Variants in SNX19 observed in about 807,000 individuals in gnomAD.
The protein encoded by SNX19 is sorting nexin 19.
A neutral mutation model predicts 85.2 loss-of-function variants in SNX19; 60 were observed. The observed-to-expected ratio is 0.70, with a 90% confidence interval of 0.57 to 0.87. The LOEUF is 0.87. SNX19 is among the 40% of genes least tolerant of loss of function. The pLI, the probability that SNX19 is intolerant of heterozygous loss-of-function variation, is 0.00. For missense variants in SNX19, 1,201 were observed against 1,217.8 expected (o/e 0.99, Z 0.21); for synonymous variants, 520 against 470.0 (o/e 1.11, Z -1.38).
In SNX19 at chr11:130,867,279, A is replaced by G. The variant is rs1227174668; in HGVS notation, c.*11143T>C. 1.3e-5 allele frequency: 2 copies of G among 152,222 alleles called. No individual in the cohort carries two copies. The highest frequency in any genetic ancestry group is 2.9e-5 in the Non-Finnish European group (2 of 68,042). The allele number at this position is 152,222 out of a possible 1,614,324, so 9.4% of individuals were successfully genotyped here. Reference sequence around the variant, plus strand: ...GACATTGGATATGAAATACTTTGTGATATAGAAAGTCCTATACATGTGTGA... The same window carrying G: ...GACATTGGATATGAAATACTTTGTGGTATAGAAAGTCCTATACATGTGTGA... On this transcript the variant is annotated 3_prime_UTR_variant, in exon 11 of 11. Transcript: ENST00000265909.
At chr11:130,888,116 G>T (rs1373805847) in intron 8 of SNX19, among the ~76,000 whole-genome samples, 2 of 150,616 alleles carry the variant, frequency 1.3e-5, no homozygotes, top group South Asian at 2.1e-4. Flanking sequence ...AAAAAAAATC[G>T]TGTGCCCCTC....
intron 8 of SNX19, among the ~76,000 whole-genome samples, chr11:130,887,967 T>C (rs1306355168): frequency 1.3e-5 from 2 of 152,142 alleles, no homozygotes; most frequent in African/African-American, 4.8e-5. Flanking sequence ...GGATTGAGCC[T>C]TCCTTTAGAT....
chr11:130,884,002 G>A (rs1022480084), intron 8 of SNX19, among the ~76,000 whole-genome samples: 3 of 152,030 alleles, frequency 2.0e-5, no homozygotes, highest in Admixed American at 6.5e-5. Context: ...GTATATTCAG[G>A]GATTTGGTAT....
Position 130,866,937 on chromosome 11 carries a change from G to A in SNX19, c.*11485C>T, listed in dbSNP as rs568708257. 5.3e-5 allele frequency: 8 copies of A among 152,228 alleles called. No homozygotes were observed. The highest frequency in any genetic ancestry group is 3.4e-3 in the Middle Eastern group (1 of 294). The allele number at this position is 152,228 out of a possible 1,614,324, so 9.4% of individuals were successfully genotyped here. On this transcript the variant is annotated 3_prime_UTR_variant, in exon 11 of 11. Transcript: ENST00000265909. ...AAACGTATGAGCTCATTTAGCTCCCGTGCCCACCCAATCTCTGTGAGGAAA... is the reference window on the plus strand; with the variant it reads ...AAACGTATGAGCTCATTTAGCTCCCATGCCCACCCAATCTCTGTGAGGAAA...
At chr11:130,908,354 T>C (rs550396583) in intron 4 of SNX19, 1 of 264,614 alleles carries the variant, frequency 3.8e-6, no homozygotes, top group East Asian at 7.2e-5. Context: ...GTGAGAGAAA[T>C]AAAAACCTGA....
chr11:130,879,819 C>T (rs1380492924), intron 9 of SNX19, 108 bp from the exon 10 acceptor site: 10 of 941,618 alleles, frequency 1.1e-5, no homozygotes, highest in African/African-American at 4.9e-5. Context: ...TTAGGTATTT[C>T]AGGCCTACCT....
intron 7 of SNX19, among the ~76,000 whole-genome samples, chr11:130,903,747 A>ACG (rs1555140798): frequency 2.7e-5 from 4 of 150,554 alleles, no homozygotes; most frequent in African/African-American, 9.8e-5. Context: ...ACACACACAC[A>ACG]CACGCACTTA....
chr11:130,887,413 TAG>T (rs1944168822), intron 8 of SNX19, among the ~76,000 whole-genome samples: 2 of 152,178 alleles, frequency 1.3e-5, no homozygotes, highest in Non-Finnish European at 2.9e-5. Context: ...GAAGGAAACT[TAG>T]AGGTTATTTT....
intron 8 of SNX19, among the ~76,000 whole-genome samples, chr11:130,889,278 C>T (rs1407215266): frequency 1.3e-5 from 2 of 152,106 alleles, no homozygotes; most frequent in East Asian, 3.8e-4. Context: ...TCGCAGTTAA[C>T]TACCCTGGTT....
chr11:130,888,678 A>AT (rs1338703689), intron 8 of SNX19, among the ~76,000 whole-genome samples: 1 of 152,176 alleles, frequency 6.6e-6, no homozygotes, highest in South Asian at 2.1e-4. Context: ...ACCTTTAACC[A>AT]TTTTTTAAAA....
chr11:130,914,809 C>T lies in SNX19; in HGVS notation c.1131G>A (p.Leu377=), dbSNP rs763070060. ...TGATGGTTTCTTTGCCCAGTTCAGA[C>T]AGCGGAGACTCCAGCTCTGAGTCTT... is the stretch of plus-strand genomic sequence containing the variant. ...LCEDSELESP[L]SELGKETIML... is the part of the protein sequence containing the mutation. The change falls in exon 1 of 11, where the codon CTG becomes CTA. Residue 377 remains leucine, a synonymous_variant. Transcript: ENST00000265909. 9.3e-6 allele frequency: 15 copies of T among 1,614,124 alleles called. 1 individual carries two copies. The highest frequency in any genetic ancestry group is 1.0e-5 in the Non-Finnish European group (12 of 1,180,058).
chr11:130,908,193 G>A lies in SNX19; in HGVS notation c.2035-110C>T. On this transcript the variant is annotated intron_variant, in intron 4 of 10. Transcript: ENST00000265909. ...TGCAACAGGACAAGGAGAGGGGCCA[G>A]GCTATCTAGCAAAGCCTTATCCAGT... 7 of 1,284,916 alleles carry A rather than the reference G, an allele frequency of 5.4e-6. 1 individual carries two copies. Among genetic ancestry groups the A allele is most frequent in the East Asian group, 2.5e-5 (1 of 39,700 alleles). 79.6% of individuals were successfully genotyped at this position (1,284,916 alleles called of 1,614,324 possible).
intron 1 of SNX19, among the ~76,000 whole-genome samples, chr11:130,913,884 A>G (rs78178813): frequency 0.038 from 5,392 of 140,368 alleles, 157 homozygotes; most frequent in South Asian, 0.15. Flanking sequence ...TTATCTGGAG[A>G]GTTCTATTTG....
intron 4 of SNX19, chr11:130,908,377 G>A (rs1297761107): frequency 4.5e-6 from 1 of 221,898 alleles, no homozygotes; most frequent in Non-Finnish European, 8.8e-6. Flanking sequence ...TCTGCGGGCT[G>A]GTGATGTATT....
rs187111561 is a variant in SNX19, at chr11:130,874,318, G to A, written c.*4104C>T. The stretch of plus-strand genomic sequence containing the variant: ...ATTATAGGTGTGAGCCGCTGTGCCC[G>A]GCCTAGAAGAGGATTCTTGAAGGAC... On this transcript the variant is annotated 3_prime_UTR_variant, in exon 11 of 11. Transcript: ENST00000265909. 3.9e-5 allele frequency among the ~76,000 whole-genome samples: 6 copies of A among 152,284 alleles called. No individual in the cohort carries two copies. The highest frequency in any genetic ancestry group is 2.6e-4 in the Admixed American group (4 of 15,298).
rs1195461433 is a variant in SNX19, at chr11:130,893,761, T to TAA, written c.2573+9493_2573+9494insTT. On this transcript the variant is annotated intron_variant, in intron 8 of 10. Coordinates refer to ENST00000265909, the MANE Select transcript of SNX19 (RefSeq NM_014758.3). ...GAGAGGAGGCAGGTGTTGAGGAACT[T>TAA]ACCTTGATGCTGCATTTGCACACCA... 8 of 701,560 alleles carry TAA rather than the reference T, an allele frequency of 1.1e-5. No individual in the cohort carries two copies. The South Asian group carries it at 1.2e-4, about 10-fold the overall frequency. 43.5% of individuals were successfully genotyped at this position (701,560 alleles called of 1,614,324 possible). A position where few individuals can be genotyped will look rare whatever the true frequency, so the allele number is the denominator to read the frequency against.
chr11:130,884,611 T>G (rs1943912703), intron 8 of SNX19, among the ~76,000 whole-genome samples: 1 of 152,158 alleles, frequency 6.6e-6, no homozygotes, highest in South Asian at 2.1e-4. Context: ...CTCACACCTG[T>G]AATCCCAGCA....
At chr11:130,908,320 TGGGAAA>T (rs1945833786) in intron 4 of SNX19, 1 of 329,550 alleles carries the variant, frequency 3.0e-6, no homozygotes, top group African/African-American at 2.1e-5. Context: ...AACAACGCCA[TGGGAAA>T]AGAAGCCAAA....
chr11:130,885,862 A>G (rs528357266), intron 8 of SNX19, among the ~76,000 whole-genome samples: 1 of 152,378 alleles, frequency 6.6e-6, no homozygotes, highest in East Asian at 1.9e-4. Flanking sequence ...TCAGTAAATT[A>G]GAAGTATTGA....
Sources: allele counts gnomAD v4.1 joint callset (sites outside exome capture counted in the v4.1 genomes callset), GRCh38; gene constraint gnomAD v4.1.1; transcripts MANE v1.5; gene names NCBI Gene and HGNC (gene_info 2026-07-23, HGNC 2026-07-21).